The following CDC42BPB variants were observed in gnomAD, a reference collection of about 807,000 sequenced individuals.
CDC42BPB encodes CDC42 binding protein kinase beta.
A neutral mutation model predicts 214.9 loss-of-function variants in CDC42BPB; 37 were observed. The observed-to-expected ratio is 0.17, with a 90% CI of 0.13 to 0.23. The LOEUF (loss-of-function observed/expected upper bound fraction) is 0.23, where lower values mean the gene tolerates loss of function less well. Ranked by LOEUF, CDC42BPB falls within the 10% of genes least tolerant of loss-of-function variation. The pLI is 1.00. For missense variants in CDC42BPB, 1,694 were observed against 2,227.0 expected (o/e 0.76, Z 4.82); for synonymous variants, 931 against 884.0 (o/e 1.05, Z -0.94).
chr14:103,004,217 C>A lies in CDC42BPB; in HGVS notation c.352-194G>T. The A allele has an allele frequency of 1.5e-6, 2 of 1,318,642 alleles. No individual in the cohort carries two copies. Among genetic ancestry groups the A allele is most frequent in the South Asian group, 1.9e-5 (1 of 53,224 alleles). 81.7% of individuals were successfully genotyped at this position (1,318,642 alleles called of 1,614,324 possible). ...ATCCCTTCCTCTCCCAAGCCCCGTG[C>A]AAGTGCCAAGGGCTGCTGAGGAGGC... On this transcript the variant is annotated intron_variant, in intron 3 of 36. Coordinates refer to ENST00000361246, the MANE Select transcript of CDC42BPB (RefSeq NM_006035.4). The surrounding 1 kb of genome is among the most constrained non-coding windows in gnomAD (Gnocchi z 5.3).
intron 17 of CDC42BPB, 148 bp from the exon 18 acceptor site, chr14:102,966,535 G>A: frequency 1.4e-6 from 2 of 1,431,884 alleles, no homozygotes; most frequent in Non-Finnish European, 1.8e-6. Flanking sequence ...TGTATACACG[G>A]GATCTCATTG....
rs776437116 is a variant in CDC42BPB, at chr14:102,939,922, G to A, written c.4617C>T (p.Thr1539=). Residue 1539 remains threonine, a synonymous_variant, in exon 33 of 37, where the codon ACC becomes ACT. Coordinates refer to ENST00000361246, the MANE Select transcript of CDC42BPB (RefSeq NM_006035.4). ...GCATCTGCTTCTTGCTGTTGTCGGA[G>A]GTGTCCGGCACGTTGAGAACCGCTC... ...FSGAVLNVPD[T]SDNSKKQMLR... is the part of the protein sequence containing the mutation. 1.9e-6 allele frequency: 3 copies of A among 1,613,872 alleles called. No individual in the cohort carries two copies. The highest frequency in any genetic ancestry group is 1.3e-5 in the African/African-American group (1 of 74,940).
At position 102,950,602 on chromosome 14, in the gene CDC42BPB, A is replaced by G. The variant is rs963853088; in HGVS notation, c.3173T>C (p.Val1058Ala). The G allele has an allele frequency of 1.3e-6, 2 of 1,577,024 alleles. No homozygotes were observed. Among genetic ancestry groups the G allele is most frequent in the African/African-American group, 1.4e-5 (1 of 73,944 alleles). The stretch of plus-strand genomic sequence containing the variant: ...GGACACGTGGCAAGCAAAGGAACAC[A>G]CTGGAAGAGAGCAAGAACACTGCCT... The part of the protein sequence containing the change: ...GLIRQGYACE[V>A]CSFACHVSCK... The change falls in exon 25 of 37, where the codon GTG becomes GCG. Residue 1058 changes from valine to alanine, a missense_variant and splice_region_variant. Val to Ala is a moderately conservative substitution (Grantham distance 64, BLOSUM62 0). This residue lies in a region of CDC42BPB where 567 missense variants were observed against 790.3 expected (regional missense o/e 0.72). Coordinates refer to ENST00000361246, the MANE Select transcript of CDC42BPB (RefSeq NM_006035.4).
At chr14:102,965,819 A>G (rs1232040355) in intron 18 of CDC42BPB, among the ~76,000 whole-genome samples, 1 of 152,122 alleles carries the variant, frequency 6.6e-6, no homozygotes, top group Non-Finnish European at 1.5e-5. Flanking sequence ...AGCCAGGTGT[A>G]GCGGCACACG....
At position 102,949,849 on chromosome 14, in the gene CDC42BPB, C is replaced by G; in HGVS notation, c.3365G>C (p.Cys1122Ser). ...KGWQRAYAVV[C>S]DCKLFLYDLP... ...ATCATACAGGAAGAGCTTGCAGTCA[C>G]AGACGACTGCATATGCGCGCTGCCA... Residue 1122 changes from cysteine to serine, a missense_variant, in exon 26 of 37, where the codon TGT (cysteine) becomes TCT (serine). By Grantham distance (112) the Cys-to-Ser change is moderately radical. Around this residue, in one of 7 missense-constraint regions of CDC42BPB, gnomAD observed 567 missense variants for 790.3 expected, o/e 0.72. Coordinates refer to ENST00000361246, the MANE Select transcript of CDC42BPB (RefSeq NM_006035.4). 1 of 1,613,670 alleles carries G rather than the reference C, an allele frequency of 6.2e-7. No individual in the cohort carries two copies. Among genetic ancestry groups the G allele is most frequent in the Non-Finnish European group, 8.5e-7 (1 of 1,180,004 alleles).
chr14:102,952,626 A>G (rs1892541331), intron 23 of CDC42BPB, 23 bp from the exon 24 acceptor site: 1 of 1,606,194 alleles, frequency 6.2e-7, no homozygotes. Flanking sequence ...AATCAAGAAC[A>G]CTGAGGTGAA....
Position 102,980,905 on chromosome 14 carries a change from G to C in CDC42BPB, c.1008C>G (p.Phe336Leu). 1 of 1,614,164 alleles carries C rather than the reference G, an allele frequency of 6.2e-7. No individual in the cohort carries two copies. The highest frequency in any genetic ancestry group is 8.5e-7 in the Non-Finnish European group (1 of 1,180,034). The change falls in exon 8 of 37, where the codon TTC becomes TTG. Residue 336 changes from phenylalanine to leucine, a missense_variant. Phe to Leu is a conservative substitution (Grantham distance 22, BLOSUM62 0). Transcript: ENST00000361246. ...RRLGQNGIED[F>L]KKHAFFEGLN... ...GACCTTCAAAAAACGCATGCTTTTT[G>C]AAATCCTCTATTCCATTCTGCCCCA... is the stretch of plus-strand genomic sequence containing the variant.
chr14:103,056,327 C>T (rs923425686), intron 1 of CDC42BPB, among the ~76,000 whole-genome samples: 2 of 152,116 alleles, frequency 1.3e-5, no homozygotes, highest in African/African-American at 4.8e-5. Context: ...CCTTAAAATT[C>T]CCTTGAAGGT....
intron 36 of CDC42BPB, among the ~76,000 whole-genome samples, chr14:102,934,387 A>G (rs556615361): frequency 1.3e-5 from 2 of 152,134 alleles, no homozygotes; most frequent in South Asian, 4.2e-4. Flanking sequence ...ACAAAAAATT[A>G]GCCGGGCGTG....
intron 5 of CDC42BPB, among the ~76,000 whole-genome samples, chr14:102,990,684 C>T (rs1894453290): frequency 6.6e-6 from 1 of 152,150 alleles, no homozygotes; most frequent in African/African-American, 2.4e-5. Context: ...CCGCTCCCCA[C>T]TAAAGGGCCT....
At position 102,946,648 on chromosome 14, in the gene CDC42BPB, T is replaced by A. The variant is rs781464184; in HGVS notation, c.3568A>T (p.Ser1190Cys). 24 of 1,612,696 alleles carry A rather than the reference T, an allele frequency of 1.5e-5. No homozygotes were observed. Among genetic ancestry groups the A allele is most frequent in the Non-Finnish European group, 2.0e-5 (24 of 1,179,880 alleles). The stretch of plus-strand genomic sequence containing the variant: ...TTTTCTGTCAGAATGAGCAGCGAGC[T>A]GGTCTTAGAAGGTGCACCTAAGAGA... The part of the protein sequence containing the change: ...ASLLGAPSKT[S>C]SLLILTENEN... Residue 1190 changes from serine to cysteine, a missense_variant, in exon 28 of 37, where the codon AGC becomes TGC. By Grantham distance (112) the Ser-to-Cys change is moderately radical. Coordinates refer to ENST00000361246, the MANE Select transcript of CDC42BPB (RefSeq NM_006035.4).
chr14:102,954,118 A>C (rs1429198937), intron 23 of CDC42BPB, 80 bp downstream of exon 23: 10 of 994,642 alleles, frequency 1.0e-5, no homozygotes, highest in Admixed American at 2.1e-5. Context: ...ATTTATACAA[A>C]ACTTATTTTC....
intron 6 of CDC42BPB, chr14:102,984,008 G>T: frequency 2.8e-6 from 1 of 358,118 alleles, no homozygotes; most frequent in Non-Finnish European, 3.9e-6. Flanking sequence ...CGGGCAACAT[G>T]GTCCCCAACC....
chr14:102,972,284 C>T (rs1328859957), intron 12 of CDC42BPB, 123 bp from the exon 13 acceptor site: 18 of 1,525,090 alleles, frequency 1.2e-5, no homozygotes, highest in South Asian at 1.3e-5. Flanking sequence ...CAGATTAGAG[C>T]CACAGATCTG....
chr14:102,936,497 G>A (rs1032947009), intron 36 of CDC42BPB, among the ~76,000 whole-genome samples: 1 of 152,062 alleles, frequency 6.6e-6, no homozygotes, highest in African/African-American at 2.4e-5. Context: ...GGCACAAAAG[G>A]TCAAACACAC....
chr14:102,998,007 C>T (rs1894819230), intron 5 of CDC42BPB, among the ~76,000 whole-genome samples: 2 of 152,024 alleles, frequency 1.3e-5, no homozygotes, highest in Admixed American at 6.6e-5. Flanking sequence ...ATTAGCTGGG[C>T]GTAATGGCTA....
At chr14:103,014,081 G>C (rs1423758292) in intron 1 of CDC42BPB, among the ~76,000 whole-genome samples, 4 of 151,952 alleles carry the variant, frequency 2.6e-5, no homozygotes, top group Non-Finnish European at 5.9e-5. Context: ...CAGGAGAATG[G>C]CGTGAACCTG....
intron 1 of CDC42BPB, 39 bp from the exon 2 acceptor site, chr14:103,012,227 C>T (rs904495581): frequency 1.3e-6 from 2 of 1,556,440 alleles, no homozygotes; most frequent in South Asian, 1.1e-5. Flanking sequence ...TTAGTCTAAT[C>T]AGTTCATACT....
At chr14:102,957,680 G>C (rs1338692746) in intron 21 of CDC42BPB, among the ~76,000 whole-genome samples, 5 of 152,252 alleles carry the variant, frequency 3.3e-5, no homozygotes, top group African/African-American at 9.6e-5. Flanking sequence ...TGTGCGTCCA[G>C]AGTGGCTGTG....
Sources: gnomAD v4.1 joint callset for allele counts (sites outside exome capture counted in the v4.1 genomes callset) on GRCh38, gnomAD v4.1.1 for gene constraint, gnomAD v4.1.1 regional missense constraint, Gnocchi (gnomAD v3.1) non-coding constraint, MANE v1.5 for transcripts, NCBI Gene and HGNC (gene_info 2026-07-23, HGNC 2026-07-21) for gene names.